The following GDF1 variants were observed in gnomAD, a reference collection of about 807,000 sequenced individuals.
The protein encoded by GDF1 is embryonic growth/differentiation factor 1.
In GDF1, 8 loss-of-function variants were observed where a neutral mutation model predicts 7.4. The ratio of observed to expected loss-of-function variants is 1.09; its 90% CI spans 0.64 to 1.96. The LOEUF (loss-of-function observed/expected upper bound fraction) is 1.96, where lower values mean the gene tolerates loss of function less well. Among genes scored for constraint, GDF1 ranks in the 30% most tolerant of loss-of-function variants. The pLI, the probability that GDF1 is intolerant of heterozygous loss-of-function variation, is 0.00. For missense variants in GDF1, 574 were observed against 551.5 expected, an observed-to-expected ratio of 1.04 and a Z score of -0.41; for synonymous variants, 311 against 276.7, an observed-to-expected ratio of 1.12 and a Z score of -1.23.
intron 7 of GDF1, 69 bp from the exon 8 acceptor site, chr19:18,869,459 G>T (rs1436518858): frequency 1.3e-6 from 2 of 1,500,110 alleles, no homozygotes; most frequent in Non-Finnish European, 1.8e-6. Context: ...CTCGGTTAGG[G>T]ACAGGGAGGA....
intron 2 of GDF1, among the ~76,000 whole-genome samples, chr19:18,889,540 C>A (rs533389670): frequency 6.6e-6 from 1 of 152,242 alleles, no homozygotes; most frequent in African/African-American, 2.4e-5. Context: ...GCCTCCTGCC[C>A]CAGCCTCCCC....
chr19:18,884,075 T>C lies in GDF1; in HGVS notation c.-733+12A>G. ...TGTGCCTCGGCCCCCTGCCACCCGATCCTGTCCTTACCGGAAGGCGTAGGA... is the reference window on the plus strand; with the variant it reads ...TGTGCCTCGGCCCCCTGCCACCCGACCCTGTCCTTACCGGAAGGCGTAGGA... On this transcript the variant is annotated intron_variant, in intron 3 of 7. Coordinates refer to ENST00000247005, the MANE Select transcript of GDF1 (RefSeq NM_001492.6). 2 of 1,609,508 alleles carry C rather than the reference T, an allele frequency of 1.2e-6. No individual in the cohort carries two copies. The highest frequency in any genetic ancestry group is 1.7e-6 in the Non-Finnish European group (2 of 1,177,124).
chr19:18,886,273 G>C (rs1457571383), intron 2 of GDF1, among the ~76,000 whole-genome samples: 3 of 152,240 alleles, frequency 2.0e-5, no homozygotes, highest in African/African-American at 7.2e-5. Context: ...GCTGGGGCCG[G>C]GCGCAGTGGC....
At chr19:18,869,961 C>A (rs1287547710) in intron 7 of GDF1, 22 bp downstream of exon 7, 16 of 1,566,814 alleles carry the variant, frequency 1.0e-5, no homozygotes, top group African/African-American at 1.4e-5. Flanking sequence ...GGACCAGTGT[C>A]CCCAGCGAAA....
intron 2 of GDF1, among the ~76,000 whole-genome samples, chr19:18,888,010 T>C (rs2056401957): frequency 6.6e-6 from 1 of 152,150 alleles, no homozygotes; most frequent in South Asian, 2.1e-4. Flanking sequence ...ACATAGTATT[T>C]GTCTTTTTGT....
At chr19:18,886,213 C>T (rs2056355084) in intron 2 of GDF1, among the ~76,000 whole-genome samples, 1 of 151,766 alleles carries the variant, frequency 6.6e-6, no homozygotes, top group African/African-American at 2.4e-5. Flanking sequence ...CGAGACCAGC[C>T]TGGACAACAT....
Position 18,878,825 on chromosome 19 carries a change from G to A in GDF1, c.-313+105C>T, listed in dbSNP as rs1233770174. On this transcript the variant is annotated intron_variant, in intron 6 of 7. Transcript: ENST00000247005. The surrounding 1 kb of genome is among the most constrained non-coding windows in gnomAD (Gnocchi z 4.6). The stretch of plus-strand genomic sequence containing the variant: ...GGAGTAGGCTTGGGGGGCAGCATCC[G>A]CGTCGGCCTCATCTGCTGCTGGGTC... 1.5e-5 allele frequency: 22 copies of A among 1,511,402 alleles called. No homozygotes were observed. The highest frequency in any genetic ancestry group is 5.0e-5 in the South Asian group (4 of 79,730). 93.6% of individuals were successfully genotyped at this position (1,511,402 alleles called of 1,614,324 possible).
chr19:18,879,430 G>C, intron 4 of GDF1, 42 bp from the exon 5 acceptor site: 1 of 1,546,166 alleles, frequency 6.5e-7, no homozygotes, highest in Non-Finnish European at 8.7e-7. Context: ...GGAGGGGGAC[G>C]GTGCCCTACC....
At chr19:18,890,783 GAA>G (rs35488506) in intron 2 of GDF1, among the ~76,000 whole-genome samples, 27 of 99,766 alleles carry the variant, frequency 2.7e-4, no homozygotes, top group African/African-American at 6.2e-4. Context: ...CGCGTCTGGG[GAA>G]AAAAAAAAAA....
chr19:18,872,053 C>A (rs1404599202), intron 6 of GDF1, among the ~76,000 whole-genome samples: 1 of 152,228 alleles, frequency 6.6e-6, no homozygotes, highest in Non-Finnish European at 1.5e-5. Flanking sequence ...TCCTGCCCTC[C>A]AGGATGGTCT....
chr19:18,886,560 AAAAC>A (rs930862677), intron 2 of GDF1, among the ~76,000 whole-genome samples: 21 of 152,034 alleles, frequency 1.4e-4, no homozygotes, highest in African/African-American at 3.6e-4. Context: ...GTCTCAAAAC[AAAAC>A]AAACAAACAA....
Position 18,870,029 on chromosome 19 carries a change from C to T in GDF1, c.279G>A (p.Glu93=). Residue 93 remains glutamate (E), a synonymous_variant, in exon 7 of 8, where the codon GAG becomes GAA. Coordinates refer to ENST00000247005, the MANE Select transcript of GDF1 (RefSeq NM_001492.6). This position sits in a 1 kb window ranked among gnomAD's most constrained non-coding sequence, Gnocchi z 5.1. The stretch of plus-strand genomic sequence containing the variant: ...CGATGTTTCCGGCGACCCCCAGCTC[C>T]TCCACGTGGCACGGTTGCAGGGTGA... The part of the protein sequence containing the change: ...PGVTLQPCHV[E]ELGVAGNIVR... 1 of 1,597,636 alleles carries T rather than the reference C, an allele frequency of 6.3e-7. No individual in the cohort carries two copies. Among genetic ancestry groups the T allele is most frequent in the Non-Finnish European group, 8.5e-7 (1 of 1,174,528 alleles).
chr19:18,872,228 TGCA>T (rs2055983023), intron 6 of GDF1, among the ~76,000 whole-genome samples: 1 of 152,262 alleles, frequency 6.6e-6, no homozygotes, highest in Non-Finnish European at 1.5e-5. Context: ...TTGTTTTTTC[TGCA>T]AAAGCTTCAA....
chr19:18,878,896 A>C lies in GDF1; in HGVS notation c.-313+34T>G, dbSNP rs1247988283. Reference sequence around the variant, plus strand: ...ACGCTTGGACGGGTGACACTAAAGGAGGGAACGCGGGGTGCGGGCCCCTCC... The same window carrying C: ...ACGCTTGGACGGGTGACACTAAAGGCGGGAACGCGGGGTGCGGGCCCCTCC... On this transcript the variant is annotated intron_variant, in intron 6 of 7. Transcript: ENST00000247005. This position sits in a 1 kb window ranked among gnomAD's most constrained non-coding sequence, Gnocchi z 4.6. The C allele has an allele frequency of 1.9e-6, 3 of 1,608,952 alleles. No individual in the cohort carries two copies. The highest frequency in any genetic ancestry group is 1.7e-5 in the Admixed American group (1 of 59,470).
Position 18,878,656 on chromosome 19 carries a change from A to C in GDF1, c.-313+274T>G, listed in dbSNP as rs1339219391. 3.8e-5 allele frequency: 48 copies of C among 1,258,830 alleles called. No individual in the cohort carries two copies. In the South Asian group the frequency reaches 7.3e-4, roughly 19 times the overall value. The allele number at this position is 1,258,830 out of a possible 1,614,324, so 78.0% of individuals were successfully genotyped here. A position where few individuals can be genotyped will look rare whatever the true frequency, so the allele number is the denominator to read the frequency against. On this transcript the variant is annotated intron_variant, in intron 6 of 7. Coordinates refer to ENST00000247005, the MANE Select transcript of GDF1 (RefSeq NM_001492.6). This position sits in a 1 kb window ranked among gnomAD's most constrained non-coding sequence, Gnocchi z 4.6. ...CGCCACTCCCGCCACACCAGCCACT[A>C]GGCCTGGCCCTCAGTGTCCCTACCG... is the stretch of plus-strand genomic sequence containing the variant.
chr19:18,891,670 C>A (rs971823744), intron 2 of GDF1, among the ~76,000 whole-genome samples: 1 of 151,924 alleles, frequency 6.6e-6, no homozygotes, highest in Non-Finnish European at 1.5e-5. Flanking sequence ...CTCCACCTAC[C>A]GGGTTCAAGC....
chr19:18,882,643 ATAAG>A (rs2056241308), intron 3 of GDF1, among the ~76,000 whole-genome samples: 1 of 151,420 alleles, frequency 6.6e-6, no homozygotes, highest in Non-Finnish European at 1.5e-5. Context: ...TCTCAAAAAA[ATAAG>A]TAAGTAAATA....
rs1317070715 is a variant in GDF1 at position 18,869,010 on chromosome 19, G to A, written c.706C>T (p.Leu236=). 5.5e-6 allele frequency: 6 copies of A among 1,096,006 alleles called. No individual in the cohort carries two copies. The highest frequency in any genetic ancestry group is 5.3e-5 in the Admixed American group (1 of 18,982). 67.9% of individuals were successfully genotyped at this position (1,096,006 alleles called of 1,614,324 possible). The change falls in exon 8 of 8, where the codon CTG becomes TTG. Residue 236 remains leucine (L), a synonymous_variant. Transcript: ENST00000247005. ...ACARLAEASL[L]LVTLDPRLCH... ...AGGCGCGGGTCGAGGGTCACCAGCA[G>A]CAGCGAGGCCTCGGCCAGGCGCGCG... is the stretch of plus-strand genomic sequence containing the variant.
At position 18,895,811 on chromosome 19, in the gene GDF1, C is replaced by G; in HGVS notation, c.-1074+13G>C. The G allele has an allele frequency of 1.6e-6, 2 of 1,236,090 alleles. No individual in the cohort carries two copies. Among genetic ancestry groups the G allele is most frequent in the Middle Eastern group, 3.3e-4 (1 of 3,014 alleles). The allele number at this position is 1,236,090 out of a possible 1,614,324, so 76.6% of individuals were successfully genotyped here. ...TCCGGGGTCCCCTCGTCCCGGCCCC[C>G]GGCCACACTGACCCGAAAGAGGCGC... On this transcript the variant is annotated intron_variant, in intron 1 of 7. Transcript: ENST00000247005. The surrounding 1 kb of genome is among the most constrained non-coding windows in gnomAD (Gnocchi z 6.4).
Sources: gnomAD v4.1 joint callset for allele counts (sites outside exome capture counted in the v4.1 genomes callset) on GRCh38, gnomAD v4.1.1 for gene constraint, Gnocchi (gnomAD v3.1) non-coding constraint, MANE v1.5 for transcripts, NCBI Gene and HGNC (gene_info 2026-07-23, HGNC 2026-07-21) for gene names.